Variants in NSD1 observed in about 807,000 individuals in gnomAD.
NSD1 encodes the protein nuclear receptor binding SET domain protein 1, also known as histone-lysine N-methyltransferase, H3 lysine-36 specific.
A neutral mutation model predicts 242.7 loss-of-function variants in NSD1; 26 were observed. That is an observed-to-expected ratio of 0.11 (90% CI 0.08 to 0.15). The LOEUF (loss-of-function observed/expected upper bound fraction) is 0.15. Among genes scored for constraint, NSD1 ranks in the 10% least tolerant of loss-of-function variants. The pLI, the probability that NSD1 is intolerant of heterozygous loss-of-function variation, is 1.00. For missense variants in NSD1, 2,495 were observed against 3,272.8 expected, an observed-to-expected ratio of 0.76 and a Z score of 5.80; for synonymous variants, 1,106 against 1,178.1, an observed-to-expected ratio of 0.94 and a Z score of 1.25.
intron 2 of NSD1, among the ~76,000 whole-genome samples, chr5:177,158,432 G>A (rs991134181): frequency 2.0e-5 from 3 of 150,916 alleles, no homozygotes; most frequent in Admixed American, 6.6e-5. Flanking sequence ...TCCGCCTCTC[G>A]GGTTCAAGCA....
In NSD1 at chr5:177,227,590, G is replaced by A. The variant is rs144568609; in HGVS notation, c.3797-8231G>A. Among the ~76,000 whole-genome samples the A allele has an allele frequency of 4.2e-3, 642 of 152,092 alleles. 3 individuals are homozygous for A. The highest frequency in any genetic ancestry group is 0.014 in the African/African-American group (582 of 41,468). ...GCCTCCGGAGTAGCTATAGGTGTGC[G>A]CCACCACATCGGGCTAATGTTTGTA... On this transcript the variant is annotated intron_variant, in intron 5 of 22. Coordinates refer to ENST00000439151, the MANE Select transcript of NSD1 (RefSeq NM_022455.5).
rs1048057461 is a variant in NSD1, at chr5:177,291,833, T to C, written c.6259-121T>C. On this transcript the variant is annotated intron_variant, in intron 21 of 22. Transcript: ENST00000439151. The stretch of plus-strand genomic sequence containing the variant: ...TGTACCAGGTACCTTTCCTGCATTT[T>C]ATCTTCATGACAATCTCTTTTCCCA... 9.3e-5 allele frequency: 92 copies of C among 991,930 alleles called. No homozygotes were observed. The African/African-American group carries it at 1.4e-3, about 16-fold the overall frequency. The allele number at this position is 991,930 out of a possible 1,614,324, so 61.4% of individuals were successfully genotyped here. A position where few individuals can be genotyped will look rare whatever the true frequency, so the allele number is the denominator to read the frequency against.
At chr5:177,171,365 C>T (rs1157731906) in intron 2 of NSD1, among the ~76,000 whole-genome samples, 1 of 152,032 alleles carries the variant, frequency 6.6e-6, no homozygotes, top group Non-Finnish European at 1.5e-5. Context: ...CCTTAACTTC[C>T]CTGCCCCTAA....
intron 2 of NSD1, among the ~76,000 whole-genome samples, chr5:177,189,207 C>G (rs1166941317): frequency 6.6e-6 from 1 of 152,166 alleles, no homozygotes; most frequent in African/African-American, 2.4e-5. Flanking sequence ...GTAGGTGTTA[C>G]TTTCCCAATT....
Position 177,220,166 on chromosome 5 carries a change from A to G in NSD1, c.3796+7971A>G, listed in dbSNP as rs568665063. 1.0e-3 allele frequency among the ~76,000 whole-genome samples: 157 copies of G among 151,920 alleles called. 1 individual carries two copies. The highest frequency in any genetic ancestry group is 3.7e-3 in the African/African-American group (155 of 41,406). On this transcript the variant is annotated intron_variant, in intron 5 of 22. Transcript: ENST00000439151. ...TATTAAAATCTCCTTGTGTTACTCT[A>G]TTTCTCCTTTCAATTCTGTCATTAT...
chr5:177,172,115 A>G (rs10058013), intron 2 of NSD1, among the ~76,000 whole-genome samples: 13,690 of 152,078 alleles, frequency 0.09, 2,028 homozygotes, highest in African/African-American at 0.31. Flanking sequence ...CTATTTATTG[A>G]CTGTTTTGGG....
chr5:177,230,717 C>G (rs954466627), intron 5 of NSD1, among the ~76,000 whole-genome samples: 3 of 151,642 alleles, frequency 2.0e-5, no homozygotes, highest in African/African-American at 7.3e-5. Context: ...GTCCCAGCTA[C>G]TCGGGAGACT....
At position 177,296,447 on chromosome 5, in the gene NSD1, G is replaced by A. The variant is rs989836682; in HGVS notation, c.*988G>A. On this transcript the variant is annotated 3_prime_UTR_variant, in exon 23 of 23. Transcript: ENST00000439151. ...CTTTCAGATTTCAGAGCCTCGGGCA[G>A]TGGACATAGGGAATCTCTGGCAAGC... 1 of 233,234 alleles carries A rather than the reference G, an allele frequency of 4.3e-6. No homozygotes were observed. Among genetic ancestry groups the A allele is most frequent in the African/African-American group, 2.2e-5 (1 of 45,338 alleles). The allele number at this position is 233,234 out of a possible 1,614,324, so 14.4% of individuals were successfully genotyped here. A position where few individuals can be genotyped will look rare whatever the true frequency, so the allele number is the denominator to read the frequency against.
chr5:177,187,846 A>C (rs1280398914), intron 2 of NSD1, among the ~76,000 whole-genome samples: 17 of 152,326 alleles, frequency 1.1e-4, no homozygotes, highest in Non-Finnish European at 1.2e-4. Flanking sequence ...ACTTTCAAAT[A>C]AGATCACATT....
intron 5 of NSD1, among the ~76,000 whole-genome samples, chr5:177,230,371 T>A (rs191635513): frequency 6.6e-6 from 1 of 152,292 alleles, no homozygotes; most frequent in Admixed American, 6.5e-5. Context: ...AATAGATGTA[T>A]CCAGTACAGA....
At chr5:177,152,180 T>A (rs1171625330) in intron 2 of NSD1, among the ~76,000 whole-genome samples, 2 of 151,680 alleles carry the variant, frequency 1.3e-5, no homozygotes, top group Non-Finnish European at 2.9e-5. Context: ...AATTTTTGTA[T>A]TTTTTTGTAG....
At chr5:177,147,057 G>A (rs779973979) in intron 2 of NSD1, among the ~76,000 whole-genome samples, 1 of 150,780 alleles carries the variant, frequency 6.6e-6, no homozygotes, top group Non-Finnish European at 1.5e-5. Context: ...AAGGATCCCT[G>A]CTGTTGCCAG....
chr5:177,135,133 A>G lies in NSD1; in HGVS notation c.30A>G (p.Arg10=), dbSNP rs776826212. MDQTCELPR[R]NCLLPFSNPV... is the part of the protein sequence containing the mutation. ...ATCAGACCTGTGAACTACCCAGAAG[A>G]AATTGTCTGCTGCCCTTTTCCAATC... is the stretch of plus-strand genomic sequence containing the variant. The change falls in exon 2 of 23, where the codon AGA becomes AGG. Residue 10 remains arginine, a synonymous_variant. Coordinates refer to ENST00000439151, the MANE Select transcript of NSD1 (RefSeq NM_022455.5). The G allele has an allele frequency of 1.9e-5, 30 of 1,614,050 alleles. No homozygotes were observed. Among genetic ancestry groups the G allele is most frequent in the Non-Finnish European group, 2.5e-5 (29 of 1,180,034 alleles).
At chr5:177,140,880 C>CTAA (rs1485842687) in intron 2 of NSD1, among the ~76,000 whole-genome samples, 2 of 152,126 alleles carry the variant, frequency 1.3e-5, no homozygotes, top group Non-Finnish European at 1.5e-5. Context: ...AAAATGATTC[C>CTAA]TCAGAGGTTC....
chr5:177,246,574 G>A (rs1766312100), intron 9 of NSD1, 104 bp from the exon 10 acceptor site: 3 of 801,294 alleles, frequency 3.7e-6, no homozygotes, highest in Middle Eastern at 2.2e-4. Flanking sequence ...CAAAGCTGGA[G>A]AATTAAATGA....
intron 2 of NSD1, among the ~76,000 whole-genome samples, chr5:177,138,799 C>T (rs1354392975): frequency 2.0e-5 from 3 of 151,304 alleles, no homozygotes; most frequent in Admixed American, 6.6e-5. Flanking sequence ...ACCACCACCC[C>T]AGCTAATTTT....
chr5:177,147,649 G>A (rs1443946307), intron 2 of NSD1, among the ~76,000 whole-genome samples: 1 of 151,872 alleles, frequency 6.6e-6, no homozygotes, highest in African/African-American at 2.4e-5. Context: ...GAGTGCAATG[G>A]CATGATCTTG....
chr5:177,259,135 A>C (rs957657915), intron 13 of NSD1, among the ~76,000 whole-genome samples: 1 of 152,238 alleles, frequency 6.6e-6, no homozygotes, highest in African/African-American at 2.4e-5. Context: ...GCGCCTGGAA[A>C]AACCCAATAC....
chr5:177,268,729 G>A (rs889764121), intron 15 of NSD1, among the ~76,000 whole-genome samples: 1 of 151,994 alleles, frequency 6.6e-6, no homozygotes, highest in Admixed American at 6.6e-5. Context: ...TCTTTGCTGT[G>A]TTTTAGACCT....
Sources: allele counts gnomAD v4.1 joint callset (sites outside exome capture counted in the v4.1 genomes callset), GRCh38; gene constraint gnomAD v4.1.1; transcripts MANE v1.5; gene names NCBI Gene and HGNC (gene_info 2026-07-23, HGNC 2026-07-21).